Variants in CPNE9 observed in about 807,000 individuals in gnomAD.
The protein encoded by CPNE9 is copine-9.
In CPNE9, 59 loss-of-function variants were observed where a neutral mutation model predicts 83.0. The observed-to-expected ratio is 0.71, with a 90% CI of 0.58 to 0.88. The LOEUF is 0.88. Among genes scored for constraint, CPNE9 ranks in the 40% least tolerant of loss-of-function variants. The pLI, the probability that CPNE9 is intolerant of heterozygous loss-of-function variation, is 0.00. For synonymous variants in CPNE9, 256 were observed against 273.4 expected (o/e 0.94, Z 0.63); for missense variants, 619 against 720.8 (o/e 0.86, Z 1.62).
rs553417466 is a variant in CPNE9 at position 9,716,663 on chromosome 3, G to A, written c.885-395G>A. On this transcript the variant is annotated intron_variant, in intron 14 of 20. Coordinates refer to ENST00000383832, the MANE Select transcript of CPNE9 (RefSeq NM_153635.3). ...TTTTTTGTATTTTTAGTAGAGATGC[G>A]GTTTCCCCATGTTGGTCAGGCTGGT... Among the ~76,000 whole-genome samples, 619 of 152,210 alleles carry A rather than the reference G, an allele frequency of 4.1e-3. 17 individuals carry two copies. The highest frequency in any genetic ancestry group is 6.8e-3 in the Middle Eastern group (2 of 294).
At chr3:9,717,887 G>T in intron 15 of CPNE9, 142 bp from the exon 16 acceptor site, 1 of 658,088 alleles carries the variant, frequency 1.5e-6, no homozygotes, top group Non-Finnish European at 2.5e-6. Context: ...TGAACAAATG[G>T]ATGATTGGGT....
At chr3:9,718,693 T>A in intron 17 of CPNE9, 91 bp downstream of exon 17, 1 of 1,487,822 alleles carries the variant, frequency 6.7e-7, no homozygotes. Context: ...CTAAGTAATT[T>A]AGGATGATTT....
At chr3:9,717,215 C>T in intron 15 of CPNE9, 111 bp downstream of exon 15, 1 of 1,191,724 alleles carries the variant, frequency 8.4e-7, no homozygotes, top group Non-Finnish European at 1.2e-6. Context: ...ACCCAAGAAG[C>T]CCAAACTTAG....
chr3:9,726,181 C>G, intron 18 of CPNE9, 130 bp downstream of exon 18: 1 of 578,414 alleles, frequency 1.7e-6, no homozygotes, highest in Non-Finnish European at 3.1e-6. Flanking sequence ...AGACACAAGA[C>G]TCTTGGATTA....
rs1325204983 is a variant in CPNE9, at chr3:9,713,021, C to A, written c.592C>A (p.Pro198Thr). The part of the protein sequence containing the change: ...KTEVVKNTLN[P>T]VWQPFSIPVR... Reference sequence around the variant, plus strand: ...AGAGGTTGTGAAAAACACGCTGAATCCTGTGTGGCAGCCCTTCAGCATCCC... The same window carrying A: ...AGAGGTTGTGAAAAACACGCTGAATACTGTGTGGCAGCCCTTCAGCATCCC... Residue 198 changes from proline (P) to threonine (T), a missense_variant, in exon 10 of 21, where the codon CCT becomes ACT. By Grantham distance (38) the Pro-to-Thr change is conservative (BLOSUM62 -1). This residue lies in a region of CPNE9 where 438 missense variants were observed against 562.9 expected (regional missense o/e 0.78). Transcript: ENST00000383832. 6.2e-7 allele frequency: 1 copy of A among 1,614,192 alleles called. No homozygotes were observed. The highest frequency in any genetic ancestry group is 8.5e-7 in the Non-Finnish European group (1 of 1,180,032).
At chr3:9,710,464 G>C (rs1402041554) in intron 7 of CPNE9, among the ~76,000 whole-genome samples, 1 of 152,184 alleles carries the variant, frequency 6.6e-6, no homozygotes, top group East Asian at 1.9e-4. Flanking sequence ...CTGAGAATGA[G>C]GATGGGGGAG....
At chr3:9,716,740 G>A (rs2076687201) in intron 14 of CPNE9, among the ~76,000 whole-genome samples, 1 of 152,198 alleles carries the variant, frequency 6.6e-6, no homozygotes, top group Admixed American at 6.5e-5. Context: ...CCAAAGTGCT[G>A]ATTACAGGCG....
At chr3:9,710,835 G>C (rs1438225193) in intron 7 of CPNE9, among the ~76,000 whole-genome samples, 2 of 152,064 alleles carry the variant, frequency 1.3e-5, no homozygotes, top group Admixed American at 1.3e-4. Context: ...GACCAGTCTG[G>C]GTAACATAGC....
chr3:9,719,718 G>C (rs1488154006), intron 17 of CPNE9, among the ~76,000 whole-genome samples: 4 of 152,156 alleles, frequency 2.6e-5, no homozygotes, highest in South Asian at 2.1e-4. Context: ...AGCAGGCCAG[G>C]TGTGGTGGCT....
chr3:9,714,529 C>A (rs1461779023), intron 10 of CPNE9, among the ~76,000 whole-genome samples: 4 of 148,410 alleles, frequency 2.7e-5, no homozygotes, highest in Admixed American at 2.0e-4. Context: ...TTCCTTATCC[C>A]AAAATAATAA....
intron 7 of CPNE9, among the ~76,000 whole-genome samples, chr3:9,711,527 A>G (rs942362834): frequency 2.6e-5 from 4 of 152,200 alleles, no homozygotes; most frequent in Non-Finnish European, 2.9e-5. Context: ...GTAGGCGAAT[A>G]GAACCTATTC....
At chr3:9,705,292 G>A (rs1196445129) in intron 4 of CPNE9, among the ~76,000 whole-genome samples, 172 bp from the exon 5 acceptor site, 1 of 151,780 alleles carries the variant, frequency 6.6e-6, no homozygotes, top group Non-Finnish European at 1.5e-5. Context: ...AGGCTTGACC[G>A]TCTGACTACT....
At chr3:9,716,106 C>G in intron 14 of CPNE9, 71 bp downstream of exon 14, 1 of 1,377,000 alleles carries the variant, frequency 7.3e-7, no homozygotes, top group Non-Finnish European at 1.0e-6. Context: ...CCCCAGGTTT[C>G]TTATTTATGA....
At chr3:9,720,407 A>G (rs891581536) in intron 17 of CPNE9, among the ~76,000 whole-genome samples, 1 of 150,896 alleles carries the variant, frequency 6.6e-6, no homozygotes, top group Non-Finnish European at 1.5e-5. Flanking sequence ...TCAGGGGTAC[A>G]TGTGCAGGTT....
Position 9,704,501 on chromosome 3 carries a change from C to T in CPNE9, c.69-86C>T, listed in dbSNP as rs548470710. ...ACAGAGGTTCGATGCGGGCCCCATG[C>T]CTCTCCTCAGTGCCCGGCTCAGAGC... On this transcript the variant is annotated intron_variant, in intron 1 of 20. Transcript: ENST00000383832. This position sits in a 1 kb window ranked among gnomAD's most constrained non-coding sequence, Gnocchi z 7.1. The T allele has an allele frequency of 5.3e-4, 617 of 1,166,062 alleles. No individual in the cohort carries two copies. Among genetic ancestry groups the T allele is most frequent in the Non-Finnish European group, 7.7e-4 (594 of 771,346 alleles). 72.2% of individuals were successfully genotyped at this position (1,166,062 alleles called of 1,614,324 possible).
intron 17 of CPNE9, 98 bp from the exon 18 acceptor site, chr3:9,725,851 G>A: frequency 3.3e-6 from 3 of 900,830 alleles, no homozygotes; most frequent in Admixed American, 1.7e-5. Flanking sequence ...CCCAGTTCCT[G>A]CCCACTGCCC....
At chr3:9,720,057 A>G (rs2076721362) in intron 17 of CPNE9, among the ~76,000 whole-genome samples, 1 of 151,266 alleles carries the variant, frequency 6.6e-6, no homozygotes, top group Admixed American at 6.6e-5. Flanking sequence ...GAAAACCCAG[A>G]TCATACATCA....
At position 9,714,929 on chromosome 3, in the gene CPNE9, T is replaced by C. The variant is rs760787399; in HGVS notation, c.666T>C (p.Asp222=). The C allele has an allele frequency of 6.2e-7, 1 of 1,613,960 alleles. No homozygotes were observed. The highest frequency in any genetic ancestry group is 1.3e-5 in the African/African-American group (1 of 75,042). Residue 222 remains aspartate (D), a synonymous_variant, in exon 11 of 21, where the codon GAT becomes GAC. Transcript: ENST00000383832. ...NGDYDRTVKI[D]VYDWDRDGSH... ...TACATTTCAGAACGGTGAAGATTGA[T>C]GTGTACGACTGGGACCGGGATGGAA...
chr3:9,717,986 T>G, intron 15 of CPNE9, 43 bp from the exon 16 acceptor site: 2 of 1,532,632 alleles, frequency 1.3e-6, no homozygotes, highest in Non-Finnish European at 1.8e-6. Flanking sequence ...AACAGATGGA[T>G]GATCCAGATG....
Sources: allele counts gnomAD v4.1 joint callset (sites outside exome capture counted in the v4.1 genomes callset), GRCh38; gene constraint gnomAD v4.1.1; regional missense constraint gnomAD v4.1.1; non-coding constraint Gnocchi (gnomAD v3.1); transcripts MANE v1.5; gene names NCBI Gene and HGNC (gene_info 2026-07-23, HGNC 2026-07-21).